MTMR7: variants seen among roughly 807,000 people sequenced by gnomAD.
The protein encoded by MTMR7 is phosphatidylinositol-3-phosphate phosphatase MTMR7.
MTMR7 carries 76 observed loss-of-function variants against 81.2 expected under a neutral mutation model. That is an observed-to-expected ratio of 0.94 (90% CI 0.78 to 1.13). The LOEUF is 1.13. Ranked by LOEUF, MTMR7 falls within the 50% of genes most tolerant of loss-of-function variation. MTMR7 has a pLI of 0.00. For missense variants in MTMR7, 1,044 were observed against 820.0 expected (o/e 1.27, Z -3.34); for synonymous variants, 372 against 289.8 (o/e 1.28, Z -2.88).
chr8:17,380,131 C>G (rs886594842), intron 1 of MTMR7, among the ~76,000 whole-genome samples: 1 of 152,112 alleles, frequency 6.6e-6, no homozygotes, highest in African/African-American at 2.4e-5. Flanking sequence ...TCCATGGGAA[C>G]TGGCAGAAAT....
intron 1 of MTMR7, among the ~76,000 whole-genome samples, chr8:17,389,799 G>A (rs753363732): frequency 6.6e-6 from 1 of 152,152 alleles, no homozygotes; most frequent in Admixed American, 6.5e-5. Flanking sequence ...GTGAAAAGTA[G>A]GGCCATATAA....
intron 1 of MTMR7, among the ~76,000 whole-genome samples, chr8:17,374,317 G>A (rs770337497): frequency 4.2e-4 from 64 of 152,076 alleles, no homozygotes; most frequent in Non-Finnish European, 7.4e-4. Context: ...GAAATCCCAC[G>A]TCTCTACTAA....
At chr8:17,402,869 C>A (rs539916023) in intron 1 of MTMR7, among the ~76,000 whole-genome samples, 1 of 152,286 alleles carries the variant, frequency 6.6e-6, no homozygotes, top group South Asian at 2.1e-4. Context: ...ACCAACAGTG[C>A]ATGAGAGTTC....
At chr8:17,392,279 A>T (rs1821129916) in intron 1 of MTMR7, among the ~76,000 whole-genome samples, 1 of 152,212 alleles carries the variant, frequency 6.6e-6, no homozygotes, top group African/African-American at 2.4e-5. Flanking sequence ...AACCAAACCT[A>T]ATCAGTTAAT....
In MTMR7 at chr8:17,299,770, C is replaced by CCAT. The variant is rs57246269; in HGVS notation, c.*89_*91dup. ...TTAAAGTAGTTCTCAATGACATGCA[C>CCAT]CATTTCCTGTTTTTACAATAAACCA... is the stretch of plus-strand genomic sequence containing the variant. On this transcript the variant is annotated 3_prime_UTR_variant, in exon 14 of 14. Coordinates refer to ENST00000180173, the MANE Select transcript of MTMR7 (RefSeq NM_004686.5). 9.1e-4 allele frequency: 1,397 copies of CCAT among 1,529,026 alleles called. 17 individuals are homozygous for CCAT. In the African/African-American group the frequency reaches 0.016, roughly 18 times the overall value. The allele number at this position is 1,529,026 out of a possible 1,614,324, so 94.7% of individuals were successfully genotyped here. A position where few individuals can be genotyped will look rare whatever the true frequency, so the allele number is the denominator to read the frequency against.
chr8:17,334,515 T>G (rs1274189119), intron 6 of MTMR7, among the ~76,000 whole-genome samples: 3 of 152,126 alleles, frequency 2.0e-5, no homozygotes, highest in African/African-American at 7.2e-5. Context: ...AACAGATAGG[T>G]GAAAAGTAGG....
intron 7 of MTMR7, among the ~76,000 whole-genome samples, chr8:17,318,012 G>T (rs1818188021): frequency 6.6e-6 from 1 of 151,868 alleles, no homozygotes; most frequent in East Asian, 1.9e-4. Context: ...AATTCCTTTG[G>T]GTCTGTGCAA....
chr8:17,412,302 C>G (rs1297886749), intron 1 of MTMR7, among the ~76,000 whole-genome samples: 2 of 152,136 alleles, frequency 1.3e-5, no homozygotes, highest in African/African-American at 4.8e-5. Context: ...ATCCCTGGAA[C>G]CACCTGAGCT....
chr8:17,384,633 G>A (rs1013395461), intron 1 of MTMR7, among the ~76,000 whole-genome samples: 1 of 152,150 alleles, frequency 6.6e-6, no homozygotes, highest in Non-Finnish European at 1.5e-5. Context: ...TCCAAACAAT[G>A]TAGAATTGCC....
At chr8:17,390,693 G>A (rs1490954171) in intron 1 of MTMR7, among the ~76,000 whole-genome samples, 1 of 152,194 alleles carries the variant, frequency 6.6e-6, no homozygotes, top group Non-Finnish European at 1.5e-5. Context: ...GAGGCCTCAG[G>A]AAACTTACAA....
At chr8:17,314,423 T>C (rs762163644) in intron 7 of MTMR7, among the ~76,000 whole-genome samples, 7 of 152,188 alleles carry the variant, frequency 4.6e-5, no homozygotes, top group Non-Finnish European at 1.0e-4. Context: ...TTCTTCATTT[T>C]TAAAATGGGG....
At chr8:17,352,694 T>C (rs1819764228) in intron 4 of MTMR7, among the ~76,000 whole-genome samples, 1 of 152,140 alleles carries the variant, frequency 6.6e-6, no homozygotes, top group Non-Finnish European at 1.5e-5. Flanking sequence ...ATTAGTAAAT[T>C]GCGTATCTTA....
intron 1 of MTMR7, among the ~76,000 whole-genome samples, chr8:17,389,023 T>G (rs1016721034): frequency 1.3e-5 from 2 of 152,178 alleles, no homozygotes; most frequent in African/African-American, 4.8e-5. Context: ...TGTGGAGGCC[T>G]CTTCTGAGGC....
intron 5 of MTMR7, chr8:17,346,306 C>G (rs1322418748): frequency 6.6e-6 from 1 of 152,164 alleles, no homozygotes. Flanking sequence ...TGTGCTCACT[C>G]GGGACTTCCC....
At chr8:17,309,095 C>G (rs1204794379) in intron 10 of MTMR7, among the ~76,000 whole-genome samples, 182 bp downstream of exon 10, 2 of 152,078 alleles carry the variant, frequency 1.3e-5, no homozygotes, top group African/African-American at 2.4e-5. Flanking sequence ...CCAACTGTTA[C>G]CAAAAGGAAT....
chr8:17,311,679 TA>T, intron 8 of MTMR7, 43 bp from the exon 9 acceptor site: 1 of 1,612,686 alleles, frequency 6.2e-7, no homozygotes, highest in Admixed American at 1.7e-5. Context: ...AGAATGGCTG[TA>T]AAAAGGCAGA....
At chr8:17,358,890 TA>T (rs1268203274) in intron 4 of MTMR7, among the ~76,000 whole-genome samples, 2 of 152,142 alleles carry the variant, frequency 1.3e-5, no homozygotes, top group African/African-American at 4.8e-5. Flanking sequence ...CTAAATAATC[TA>T]AAAGCCCTTT....
intron 4 of MTMR7, 171 bp from the exon 5 acceptor site, chr8:17,349,252 C>G: frequency 1.5e-6 from 1 of 664,832 alleles, no homozygotes; most frequent in Non-Finnish European, 2.5e-6. Flanking sequence ...GAAGGAAGTG[C>G]CGCTGATTCT....
At chr8:17,396,627 C>T (rs140306401) in intron 1 of MTMR7, among the ~76,000 whole-genome samples, 13 of 152,126 alleles carry the variant, frequency 8.5e-5, no homozygotes, top group Non-Finnish European at 1.8e-4. Context: ...CCCAGGTCCT[C>T]GGTAAATCTG....
Sources: allele counts gnomAD v4.1 joint callset (sites outside exome capture counted in the v4.1 genomes callset), GRCh38; gene constraint gnomAD v4.1.1; transcripts MANE v1.5; gene names NCBI Gene and HGNC (gene_info 2026-07-23, HGNC 2026-07-21).